POFUT3: variants seen among roughly 807,000 people sequenced by gnomAD.
POFUT3 encodes GDP-fucose protein O-fucosyltransferase 3.
At chr8:33,312,067 G>C in the POFUT3 span, among the ~76,000 whole-genome samples, 1 of 152,062 alleles carries the variant, frequency 6.6e-6, no homozygotes, top group Admixed American at 6.6e-5. Context: ...TTCGAGACCA[G>C]CCTGGCCAAT....
At chr8:33,424,909 A>G in the POFUT3 span, among the ~76,000 whole-genome samples, 4 of 152,218 alleles carry the variant, frequency 2.6e-5, no homozygotes, top group Non-Finnish European at 5.9e-5. Flanking sequence ...TGTGCTAGGT[A>G]TTACAGATTC....
chr8:33,315,702 C>T, the POFUT3 span, among the ~76,000 whole-genome samples: 2,231 of 152,158 alleles, frequency 0.015, 70 homozygotes, highest in African/African-American at 0.051. Context: ...TCCTGGAGGA[C>T]ATCTGCAGTC....
At chr8:33,396,489 T>C in the POFUT3 span, among the ~76,000 whole-genome samples, 1 of 152,186 alleles carries the variant, frequency 6.6e-6, no homozygotes, top group Non-Finnish European at 1.5e-5. Flanking sequence ...TGCTCCTTGA[T>C]TTTTCTAAAA....
chr8:33,416,461 C>T, the POFUT3 span, among the ~76,000 whole-genome samples: 30 of 152,034 alleles, frequency 2.0e-4, no homozygotes, highest in African/African-American at 7.3e-4. Context: ...CCTGTAATCC[C>T]AGCGCTCTGG....
chr8:33,386,660 A>C, the POFUT3 span, among the ~76,000 whole-genome samples: 1 of 152,082 alleles, frequency 6.6e-6, no homozygotes, highest in Non-Finnish European at 1.5e-5. Context: ...AATACAAAAA[A>C]TTAGCCAGGC....
chr8:33,341,415 A>G, the POFUT3 span, among the ~76,000 whole-genome samples: 15 of 150,476 alleles, frequency 1.0e-4, no homozygotes, highest in Non-Finnish European at 1.9e-4. Flanking sequence ...AGCCTGGACA[A>G]CAGAGTGAGA....
At chr8:33,468,773 T>G in the POFUT3 span, among the ~76,000 whole-genome samples, 1 of 152,220 alleles carries the variant, frequency 6.6e-6, no homozygotes, top group Non-Finnish European at 1.5e-5. Context: ...GAGATGTCCC[T>G]AGAGTGTTGA....
chr8:33,421,062 G>A, the POFUT3 span, among the ~76,000 whole-genome samples: 1 of 151,782 alleles, frequency 6.6e-6, no homozygotes, highest in African/African-American at 2.4e-5. Context: ...TCCTTTTTGT[G>A]AAAGAAATGT....
At chr8:33,426,964 C>T in the POFUT3 span, among the ~76,000 whole-genome samples, 20 of 152,254 alleles carry the variant, frequency 1.3e-4, no homozygotes, top group Non-Finnish European at 2.1e-4. Context: ...ATAAATTATA[C>T]GGTTATTCCA....
At chr8:33,444,010 C>T in the POFUT3 span, among the ~76,000 whole-genome samples, 1 of 150,128 alleles carries the variant, frequency 6.7e-6, no homozygotes, top group Non-Finnish European at 1.5e-5. Context: ...CTACTGAGGC[C>T]TGCCATATGC....
At chr8:33,315,955 T>A in the POFUT3 span, among the ~76,000 whole-genome samples, 1 of 152,178 alleles carries the variant, frequency 6.6e-6, no homozygotes, top group Admixed American at 6.5e-5. Context: ...CTAGGATTTA[T>A]GCAATCTTGG....
the POFUT3 span, chr8:33,388,861 A>G: frequency 2.2e-6 from 2 of 905,814 alleles, no homozygotes; most frequent in Admixed American, 3.7e-5. Flanking sequence ...GATAGGAATG[A>G]AGAACACTGA....
At chr8:33,326,161 G>A in the POFUT3 span, among the ~76,000 whole-genome samples, 5 of 152,148 alleles carry the variant, frequency 3.3e-5, no homozygotes, top group African/African-American at 9.6e-5. Flanking sequence ...CTGTTCACAT[G>A]GCCTACTCCA....
chr8:33,407,278 G>A, the POFUT3 span, among the ~76,000 whole-genome samples: 228 of 152,274 alleles, frequency 1.5e-3, 1 homozygote, highest in African/African-American at 5.1e-3. Flanking sequence ...AGGACACATC[G>A]TCTGAGAGGC....
At chr8:33,308,382 C>T in the POFUT3 span, among the ~76,000 whole-genome samples, 5 of 152,238 alleles carry the variant, frequency 3.3e-5, no homozygotes, top group Middle Eastern at 3.4e-3. Flanking sequence ...CTGTCTCTGG[C>T]TAATGGTAAG....
chr8:33,461,410 A>G, the POFUT3 span: 6 of 1,613,302 alleles, frequency 3.7e-6, no homozygotes, highest in African/African-American at 8.0e-5. Context: ...GCTGTGACGC[A>G]CAGGCAAGAT....
At chr8:33,353,740 C>G in the POFUT3 span, among the ~76,000 whole-genome samples, 1 of 152,066 alleles carries the variant, frequency 6.6e-6, no homozygotes, top group Non-Finnish European at 1.5e-5. Context: ...CACCTTGGCT[C>G]GGTGACATGC....
chr8:33,401,229 G>A, the POFUT3 span, among the ~76,000 whole-genome samples: 37,422 of 151,954 alleles, frequency 0.25, 4,990 homozygotes, highest in East Asian at 0.47. Flanking sequence ...CAGGTGATCC[G>A]CCCACCTCAG....
chr8:33,333,312 G>A, the POFUT3 span, among the ~76,000 whole-genome samples: 2 of 152,226 alleles, frequency 1.3e-5, no homozygotes, highest in Non-Finnish European at 2.9e-5. Flanking sequence ...GTAAGATCAT[G>A]CACTAGGGAG....
Sources: allele counts gnomAD v4.1 joint callset (sites outside exome capture counted in the v4.1 genomes callset), GRCh38; gene constraint gnomAD v4.1.1; transcripts MANE v1.5; gene names NCBI Gene and HGNC (gene_info 2026-07-23, HGNC 2026-07-21).